Variants in DCTN2 observed in about 807,000 individuals in gnomAD.
DCTN2 encodes the protein dynactin subunit 2, also known as 50 kDa dynein-associated polypeptide.
In DCTN2, 18 loss-of-function variants were observed where a neutral mutation model predicts 55.4. That is an observed-to-expected ratio of 0.32 (90% CI 0.22 to 0.48). The LOEUF is 0.48. Among genes scored for constraint, DCTN2 ranks in the 20% least tolerant of loss-of-function variants. The pLI, the probability that DCTN2 is intolerant of heterozygous loss-of-function variation, is 0.99. For missense variants in DCTN2, 390 were observed against 491.0 expected (o/e 0.79, Z 1.94); for synonymous variants, 168 against 185.2 (o/e 0.91, Z 0.76).
rs368098986 is a variant in DCTN2 at position 57,544,350 on chromosome 12, TG to T, written c.105+1677del. ...AGATTACTTAAAATACCTAGTACAA[TG>T]TAAATGCTATGTAAATAGTTGTTAT... On this transcript the variant is annotated intron_variant, in intron 2 of 13. Transcript: ENST00000548249. Among the ~76,000 whole-genome samples, 26 of 152,258 alleles carry T rather than the reference TG, an allele frequency of 1.7e-4. No individual in the cohort carries two copies. The South Asian group carries it at 5.4e-3, about 32-fold the overall frequency.
intron 2 of DCTN2, chr12:57,543,871 C>G: frequency 8.0e-7 from 1 of 1,251,654 alleles, no homozygotes; most frequent in Non-Finnish European, 1.0e-6. Context: ...ATCAGCCACC[C>G]CACTAGATGC....
chr12:57,533,141 T>C, intron 8 of DCTN2, 97 bp downstream of exon 8: 1 of 1,567,516 alleles, frequency 6.4e-7, no homozygotes, highest in East Asian at 2.2e-5. Context: ...CTGAAGCCCT[T>C]TGATGACTCC....
intron 2 of DCTN2, among the ~76,000 whole-genome samples, chr12:57,537,883 G>T (rs1351805625): frequency 6.6e-6 from 1 of 152,142 alleles, no homozygotes; most frequent in African/African-American, 2.4e-5. Flanking sequence ...AAGGGCTCAG[G>T]CTAAGGATAG....
Position 57,530,656 on chromosome 12 carries a change from G to C in DCTN2, c.*33C>G. 2.6e-6 allele frequency: 4 copies of C among 1,559,054 alleles called. No homozygotes were observed. Among genetic ancestry groups the C allele is most frequent in the Non-Finnish European group, 3.5e-6 (4 of 1,131,188 alleles). ...CTGTTAACAGAGTTCACAGGGGTAG[G>C]GATAACCCCTGTTCTCCAGCTCCCA... is the stretch of plus-strand genomic sequence containing the variant. On this transcript the variant is annotated 3_prime_UTR_variant, in exon 14 of 14. Transcript: ENST00000548249.
Position 57,532,231 on chromosome 12 carries a change from T to G in DCTN2, c.1009A>C (p.Lys337Gln). The change falls in exon 12 of 14, where the codon AAG (lysine) becomes CAG (glutamine). Residue 337 changes from lysine (K) to glutamine (Q), a missense_variant. By Grantham distance (53) the Lys-to-Gln change is moderately conservative (BLOSUM62 1). Transcript: ENST00000548249. ...CTCCCACCTTGCTCGTGCAGCTGCT[T>G]GATGGTGACAAGTCTCTGCACCAGC... ...PELVQRLVTIKQLHEQAMQFG... is the reference protein window; with the variant it reads ...PELVQRLVTIQQLHEQAMQFG... The G allele has an allele frequency of 6.4e-7, 1 of 1,558,424 alleles. No individual in the cohort carries two copies. The highest frequency in any genetic ancestry group is 8.7e-7 in the Non-Finnish European group (1 of 1,150,640).
chr12:57,530,837 C>G, intron 13 of DCTN2, 62 bp from the exon 14 acceptor site: 15 of 1,351,192 alleles, frequency 1.1e-5, no homozygotes, highest in Non-Finnish European at 1.6e-5. Flanking sequence ...GGATGAGGAC[C>G]TGAAGGAATT....
chr12:57,545,720 C>T (rs941660692), intron 2 of DCTN2, among the ~76,000 whole-genome samples: 3 of 152,050 alleles, frequency 2.0e-5, no homozygotes, highest in Non-Finnish European at 4.4e-5. Context: ...GGGTTAGAAC[C>T]CAGGGGCCTA....
intron 1 of DCTN2, 77 bp downstream of exon 1, chr12:57,546,951 G>T: frequency 8.6e-7 from 1 of 1,167,506 alleles, no homozygotes. Flanking sequence ...GGGAGGGGTC[G>T]CGGGCTGGTT....
At chr12:57,534,591 T>A in intron 5 of DCTN2, 139 bp from the exon 6 acceptor site, 1 of 745,510 alleles carries the variant, frequency 1.3e-6, no homozygotes, top group Non-Finnish European at 2.1e-6. Flanking sequence ...CACCTGTATG[T>A]AGCACTGCAT....
chr12:57,531,507 ACTCTGT>A (rs1328211349), intron 13 of DCTN2, among the ~76,000 whole-genome samples: 1 of 152,108 alleles, frequency 6.6e-6, no homozygotes, highest in African/African-American at 2.4e-5. Flanking sequence ...ACAGAGCGAG[ACTCTGT>A]CTTAAAAATA....
intron 2 of DCTN2, among the ~76,000 whole-genome samples, chr12:57,545,518 C>A (rs1214835866): frequency 6.6e-6 from 1 of 152,218 alleles, no homozygotes; most frequent in Non-Finnish European, 1.5e-5. Flanking sequence ...ACCACAGTCT[C>A]ACATCCGCTG....
intron 8 of DCTN2, 81 bp from the exon 9 acceptor site, chr12:57,533,103 C>T: frequency 6.4e-7 from 1 of 1,556,254 alleles, no homozygotes; most frequent in Admixed American, 1.9e-5. Context: ...CTGGTTCTAG[C>T]TGGGAACCCA....
At chr12:57,538,290 G>A in intron 2 of DCTN2, 1 of 616,162 alleles carries the variant, frequency 1.6e-6, no homozygotes, top group Non-Finnish European at 3.0e-6. Context: ...CCAAGGCTGT[G>A]GCCCGGGAGC....
At chr12:57,537,035 T>C (rs1880290783) in intron 2 of DCTN2, among the ~76,000 whole-genome samples, 1 of 151,452 alleles carries the variant, frequency 6.6e-6, no homozygotes, top group Middle Eastern at 3.4e-3. Flanking sequence ...GGCTCAAGCC[T>C]GTCTGTAGTC....
chr12:57,535,347 C>T (rs1315076710), intron 4 of DCTN2, 137 bp downstream of exon 4: 1 of 1,226,442 alleles, frequency 8.2e-7, no homozygotes, highest in Non-Finnish European at 1.2e-6. Flanking sequence ...GCAGAGTTTC[C>T]CTGGCTGCAT....
At chr12:57,544,044 A>G in intron 2 of DCTN2, 1 of 425,752 alleles carries the variant, frequency 2.3e-6, no homozygotes, top group Non-Finnish European at 4.7e-6. Context: ...TAGAAAGAGG[A>G]TTACTGTGAA....
chr12:57,538,536 C>T (rs752166297), intron 2 of DCTN2: 2 of 758,488 alleles, frequency 2.6e-6, no homozygotes, highest in Non-Finnish European at 4.8e-6. Flanking sequence ...TTGTGGTTTC[C>T]CCAGAGGTGA....
chr12:57,542,160 C>T (rs1040493825), intron 2 of DCTN2, among the ~76,000 whole-genome samples: 3 of 151,918 alleles, frequency 2.0e-5, no homozygotes, highest in Non-Finnish European at 2.9e-5. Flanking sequence ...CCTGTAATTC[C>T]AGCTACTCAG....
chr12:57,534,396 T>G lies in DCTN2; in HGVS notation c.420A>C (p.Lys140Asn), dbSNP rs1320390869. 1 of 1,612,622 alleles carries G rather than the reference T, an allele frequency of 6.2e-7. No individual in the cohort carries two copies. The highest frequency in any genetic ancestry group is 1.7e-5 in the Admixed American group (1 of 59,934). ...GCTGCTGCTTCAGGGCTGCCAGCTG[T>G]TTAGCCAGCAACACAGGGGTCAGCT... ...EEKLTPVLLAKQLAALKQQLV... is the reference protein window; with the variant it reads ...EEKLTPVLLANQLAALKQQLV... The change falls in exon 6 of 14, where the codon AAA (lysine) becomes AAC (asparagine). Residue 140 changes from lysine to asparagine, a missense_variant. Around this residue, in one of 2 missense-constraint regions of DCTN2, gnomAD observed 117 missense variants for 187.8 expected, o/e 0.62. Coordinates refer to ENST00000548249, the MANE Select transcript of DCTN2 (RefSeq NM_001261413.2).
Sources: allele counts gnomAD v4.1 joint callset (sites outside exome capture counted in the v4.1 genomes callset), GRCh38; gene constraint gnomAD v4.1.1; regional missense constraint gnomAD v4.1.1; transcripts MANE v1.5; gene names NCBI Gene and HGNC (gene_info 2026-07-23, HGNC 2026-07-21).